The following TG variants were observed in gnomAD, a reference collection of about 807,000 sequenced individuals.
The protein encoded by TG is thyroid hormones.
In TG, 270 loss-of-function variants were observed where a neutral mutation model predicts 324.7. The ratio of observed to expected loss-of-function variants is 0.83; its 90% CI spans 0.75 to 0.92. The LOEUF is 0.92. Ranked by LOEUF, TG falls within the 40% of genes least tolerant of loss-of-function variation. The pLI is 0.00. For synonymous variants in TG, 1,401 were observed against 1,327.0 expected (o/e 1.06, Z -1.21); for missense variants, 3,591 against 3,456.4 (o/e 1.04, Z -0.98).
At chr8:133,008,411 C>T (rs527700632) in intron 35 of TG, among the ~76,000 whole-genome samples, 3 of 151,644 alleles carry the variant, frequency 2.0e-5, no homozygotes, top group Non-Finnish European at 4.4e-5. Flanking sequence ...TAAGTACTCA[C>T]GATGCGATAA....
intron 41 of TG, chr8:133,050,892 C>T (rs758614889): frequency 1.6e-5 from 26 of 1,613,214 alleles, no homozygotes; most frequent in South Asian, 3.3e-5. Flanking sequence ...TCACTTAGCA[C>T]GGCAAGGAAG....
chr8:132,983,736 A>G (rs932352098), intron 35 of TG: 3 of 432,826 alleles, frequency 6.9e-6, no homozygotes. Context: ...GACACACACA[A>G]TCCGGAGGCA....
At chr8:132,891,358 A>G (rs1403513943) in intron 10 of TG, among the ~76,000 whole-genome samples, 3 of 152,132 alleles carry the variant, frequency 2.0e-5, no homozygotes, top group Non-Finnish European at 4.4e-5. Flanking sequence ...TTTTTTTGAG[A>G]CAGTCTTGCT....
In TG at chr8:132,923,441, G is replaced by A. The variant is rs1821385687; in HGVS notation, c.4632G>A (p.Val1544=). Residue 1544 remains valine, a synonymous_variant, in exon 22 of 48, where the codon GTG becomes GTA. Coordinates refer to ENST00000220616, the MANE Select transcript of TG (RefSeq NM_003235.5). ...KDRGSGKAFC[V]DGEGRRLPWW... ...GGGGCAGTGGGAAGGCCTTCTGTGT[G>A]GACGGCGAGGGGCGGAGGCTGCCAT... 3 of 1,614,140 alleles carry A rather than the reference G, an allele frequency of 1.9e-6. No individual in the cohort carries two copies. The highest frequency in any genetic ancestry group is 1.7e-5 in the Admixed American group (1 of 60,028).
intron 31 of TG, 125 bp downstream of exon 31, chr8:132,968,095 G>C (rs903237149): frequency 8.5e-7 from 1 of 1,179,756 alleles, no homozygotes; most frequent in African/African-American, 1.5e-5. Context: ...TTGGTTTCAA[G>C]AAGATGGGAA....
intron 34 of TG, among the ~76,000 whole-genome samples, chr8:132,979,068 C>T (rs1357052290): frequency 6.6e-6 from 1 of 152,116 alleles, no homozygotes; most frequent in Non-Finnish European, 1.5e-5. Flanking sequence ...GTTTGCAGCC[C>T]CTTCCTGGCA....
chr8:133,085,902 C>T (rs1846467929), intron 41 of TG, among the ~76,000 whole-genome samples: 1 of 152,110 alleles, frequency 6.6e-6, no homozygotes, highest in East Asian at 1.9e-4. Context: ...ACATGCATCC[C>T]TATAAGAACT....
rs1817401401 is a variant in TG at position 132,898,213 on chromosome 8, T to C, written c.3184T>C (p.Ser1062Pro). The stretch of plus-strand genomic sequence containing the variant: ...TGAGAAAGGAGGGTTCATCCCTGGC[T>C]CACTGACTGCCCGCTCTCTGCAGAT... ...VDEKGGFIPG[S>P]LTARSLQIPQ... Residue 1062 changes from serine to proline, a missense_variant, in exon 13 of 48, where the codon TCA becomes CCA. Transcript: ENST00000220616. 1.2e-6 allele frequency: 2 copies of C among 1,605,112 alleles called. No homozygotes were observed. The highest frequency in any genetic ancestry group is 2.2e-5 in the South Asian group (2 of 88,892).
intron 35 of TG, chr8:133,003,039 AC>A: frequency 9.4e-7 from 1 of 1,060,018 alleles, no homozygotes; most frequent in Non-Finnish European, 1.1e-6. Context: ...TGGAGAACAT[AC>A]CAGGTACCTC....
At chr8:132,877,294 C>T (rs1167047142) in intron 5 of TG, among the ~76,000 whole-genome samples, 3 of 152,036 alleles carry the variant, frequency 2.0e-5, no homozygotes. Context: ...CATGCGCCAC[C>T]CCACATGGCT....
At chr8:132,959,197 A>G (rs1424872454) in intron 27 of TG, among the ~76,000 whole-genome samples, 1 of 152,188 alleles carries the variant, frequency 6.6e-6, no homozygotes, top group Non-Finnish European at 1.5e-5. Context: ...GAGACTTGTC[A>G]CTTTGAGAGC....
At chr8:132,966,178 G>A (rs918592667) in intron 29 of TG, among the ~76,000 whole-genome samples, 1 of 152,188 alleles carries the variant, frequency 6.6e-6, no homozygotes, top group Non-Finnish European at 1.5e-5. Flanking sequence ...GGGCTGCTGT[G>A]GTTAGCACAA....
At position 132,895,904 on chromosome 8, in the gene TG, A is replaced by C. The variant is rs141062832; in HGVS notation, c.3002-1745A>C. On this transcript the variant is annotated intron_variant, in intron 11 of 47. Transcript: ENST00000220616. ...AGTCGAGCTGAGAAGTTCCTCTCCA[A>C]GTAGCCACATGCTCCGCTTTGCATG... is the stretch of plus-strand genomic sequence containing the variant. 4.1e-4 allele frequency among the ~76,000 whole-genome samples: 62 copies of C among 152,352 alleles called. 3 individuals carry two copies. The East Asian group carries it at 0.011, about 27-fold the overall frequency.
rs144265740 is a variant in TG, at chr8:133,118,249, C to T, written c.7862+1533C>T. On this transcript the variant is annotated intron_variant, in intron 45 of 47. Coordinates refer to ENST00000220616, the MANE Select transcript of TG (RefSeq NM_003235.5). Reference sequence around the variant, plus strand: ...TCTCCAGGTGACCTCACTGCCACTACGGGAAAGAAAGGGCATTCTCATTTC... The same window carrying T: ...TCTCCAGGTGACCTCACTGCCACTATGGGAAAGAAAGGGCATTCTCATTTC... Among the ~76,000 whole-genome samples, 538 of 151,264 alleles carry T rather than the reference C, an allele frequency of 3.6e-3. 7 individuals are homozygous for T. The highest frequency in any genetic ancestry group is 0.012 in the African/African-American group (508 of 41,204).
chr8:133,106,937 G>C (rs965254970), intron 43 of TG, among the ~76,000 whole-genome samples: 1 of 152,194 alleles, frequency 6.6e-6, no homozygotes, highest in Admixed American at 6.5e-5. Context: ...AACAGCAAGG[G>C]CCTGCAGCCA....
intron 5 of TG, among the ~76,000 whole-genome samples, chr8:132,877,176 G>A (rs1465730608): frequency 6.6e-6 from 1 of 151,994 alleles, no homozygotes; most frequent in East Asian, 1.9e-4. Context: ...GTCTTACTTT[G>A]TCACCCAGGC....
chr8:132,890,795 C>T (rs746996081), intron 10 of TG, among the ~76,000 whole-genome samples: 43 of 152,194 alleles, frequency 2.8e-4, no homozygotes, highest in Non-Finnish European at 5.1e-4. Context: ...TAGTGAGTAA[C>T]GAAGGGACCA....
chr8:132,985,310 C>A (rs750518175), intron 35 of TG, among the ~76,000 whole-genome samples: 1 of 152,136 alleles, frequency 6.6e-6, no homozygotes, highest in Non-Finnish European at 1.5e-5. Context: ...GAGTTATATG[C>A]AAATGCCACA....
chr8:132,888,670 G>C, intron 10 of TG, 102 bp downstream of exon 10: 1 of 1,258,734 alleles, frequency 7.9e-7, no homozygotes, highest in South Asian at 1.6e-5. Context: ...AGGGTATTGA[G>C]TGTCAAAGCT....
Sources: gnomAD v4.1 joint callset for allele counts (sites outside exome capture counted in the v4.1 genomes callset) on GRCh38, gnomAD v4.1.1 for gene constraint, MANE v1.5 for transcripts, NCBI Gene and HGNC (gene_info 2026-07-23, HGNC 2026-07-21) for gene names.